GBF1: variants seen among roughly 807,000 people sequenced by gnomAD.
GBF1 encodes Golgi-specific brefeldin A-resistance guanine nucleotide exchange factor 1.
GBF1 carries 114 observed loss-of-function variants against 210.5 expected under a neutral mutation model. The ratio of observed to expected loss-of-function variants is 0.54; its 90% confidence interval spans 0.47 to 0.63. GBF1 has a LOEUF of 0.63. Among genes scored for constraint, GBF1 ranks in the 30% least tolerant of loss-of-function variants. GBF1 has a pLI of 0.00. For synonymous variants in GBF1, 850 were observed against 889.2 expected (o/e 0.96, Z 0.78); for missense variants, 1,851 against 2,357.7 (o/e 0.79, Z 4.45).
chr10:102,358,882 C>G, intron 10 of GBF1, 153 bp downstream of exon 10: 2 of 622,954 alleles, frequency 3.2e-6, no homozygotes, highest in Non-Finnish European at 5.7e-6. Flanking sequence ...ATTGGTTGTA[C>G]TGCCTTGAAA....
intron 3 of GBF1, among the ~76,000 whole-genome samples, chr10:102,275,004 G>C (rs112374392): frequency 2.1e-5 from 3 of 143,578 alleles, no homozygotes; most frequent in Non-Finnish European, 4.5e-5. Flanking sequence ...GATCCACCGC[G>C]CCAGGACTTT....
At chr10:102,369,615 A>G (rs1440695135) in intron 24 of GBF1, 96 bp from the exon 25 acceptor site, 1 of 1,153,600 alleles carries the variant, frequency 8.7e-7, no homozygotes, top group East Asian at 2.5e-5. Context: ...TAGGGGCAGA[A>G]GACTAGAGGA....
upstream of GBF1, among the ~76,000 whole-genome samples, chr10:102,244,995 A>G (rs2070688523): frequency 6.6e-6 from 1 of 152,176 alleles, no homozygotes; most frequent in South Asian, 2.1e-4. Flanking sequence ...GGGAAGGTGG[A>G]CAAGAGGGCG....
chr10:102,339,671 A>T (rs961211850), intron 3 of GBF1, among the ~76,000 whole-genome samples: 1 of 152,186 alleles, frequency 6.6e-6, no homozygotes, highest in Non-Finnish European at 1.5e-5. Context: ...GTCTCAAAAA[A>T]AAAAAGACTT....
chr10:102,370,941 A>G, intron 29 of GBF1, 81 bp downstream of exon 29: 4 of 1,315,152 alleles, frequency 3.0e-6, no homozygotes, highest in African/African-American at 1.4e-5. Context: ...ATGGCCTGAG[A>G]CAGAGAGTAC....
intron 1 of GBF1, among the ~76,000 whole-genome samples, chr10:102,258,303 C>A (rs894852616): frequency 6.6e-6 from 1 of 151,066 alleles, no homozygotes; most frequent in Non-Finnish European, 1.5e-5. Context: ...TACAGGCATG[C>A]GCCACCTCGC....
At position 102,363,234 on chromosome 10, in the gene GBF1, G is replaced by A. The variant is rs745734738; in HGVS notation, c.1877-22G>A. 6 of 1,601,704 alleles carry A rather than the reference G, an allele frequency of 3.7e-6. No homozygotes were observed. Among genetic ancestry groups the A allele is most frequent in the East Asian group, 4.5e-5 (2 of 44,784 alleles). On this transcript the variant is annotated intron_variant, in intron 15 of 39. Transcript: ENST00000369983. This position sits in a 1 kb window ranked among gnomAD's most constrained non-coding sequence, Gnocchi z 4.2. Reference sequence around the variant, plus strand: ...GGCTTCATACCCTATAAGTCTTCACGTATCTTCTTCTCTCTTACCAGCTGA... The same window carrying A: ...GGCTTCATACCCTATAAGTCTTCACATATCTTCTTCTCTCTTACCAGCTGA...
intron 3 of GBF1, among the ~76,000 whole-genome samples, chr10:102,321,012 T>G (rs1201671320): frequency 1.3e-5 from 2 of 152,052 alleles, no homozygotes; most frequent in Non-Finnish European, 2.9e-5. Context: ...GCCAAGCTGG[T>G]CTCAAACTCC....
At chr10:102,293,764 G>GTTTT (rs1263151407) in intron 3 of GBF1, among the ~76,000 whole-genome samples, 1,563 of 50,784 alleles carry the variant, frequency 0.031, 526 homozygotes, top group Non-Finnish European at 0.042. Flanking sequence ...GCTGTAGTAT[G>GTTTT]TTTTGTGTTT....
rs533630235 is a variant in GBF1 at position 102,374,076 on chromosome 10, G to A, written c.3661-1283G>A. On this transcript the variant is annotated intron_variant, in intron 29 of 39. Transcript: ENST00000369983. ...TTTAGAATTTGAAGACAGGCTGGGC[G>A]CAGTGGCTCACACCTGTAATCCCAG... 8.1e-4 allele frequency among the ~76,000 whole-genome samples: 124 copies of A among 152,260 alleles called. 1 individual carries two copies. Among genetic ancestry groups the A allele is most frequent in the Non-Finnish European group, 1.6e-3 (106 of 68,030 alleles).
At chr10:102,266,407 T>C (rs1444544742) in intron 3 of GBF1, among the ~76,000 whole-genome samples, 3 of 152,204 alleles carry the variant, frequency 2.0e-5, no homozygotes, top group Non-Finnish European at 4.4e-5. Flanking sequence ...CTATCTGGTA[T>C]GTGCCAGGCA....
the GBF1 span, among the ~76,000 whole-genome samples, chr10:102,235,144 T>C: frequency 6.7e-6 from 1 of 149,952 alleles, no homozygotes; most frequent in Non-Finnish European, 1.5e-5. Context: ...GGGGCTGTTT[T>C]GGAGCTAGCC....
chr10:102,358,025 T>C lies in GBF1; in HGVS notation c.640-14T>C. On this transcript the variant is annotated splice_polypyrimidine_tract_variant and intron_variant, in intron 8 of 39. Coordinates refer to ENST00000369983, the MANE Select transcript of GBF1 (RefSeq NM_001377137.1). ...AGTTTGAATACCATTGCTAATGGGG[T>C]ATGATATTTCCAGCTGAAAATGAGA... 1 of 1,555,322 alleles carries C rather than the reference T, an allele frequency of 6.4e-7. No homozygotes were observed. Among genetic ancestry groups the C allele is most frequent in the Non-Finnish European group, 8.9e-7 (1 of 1,126,402 alleles).
At chr10:102,263,183 CAT>C (rs2073445375) in intron 3 of GBF1, among the ~76,000 whole-genome samples, 2 of 152,344 alleles carry the variant, frequency 1.3e-5, no homozygotes, top group East Asian at 3.9e-4. Context: ...CTCTGCAACC[CAT>C]GACTAATTTC....
At chr10:102,261,617 T>G (rs1187021279) in intron 3 of GBF1, among the ~76,000 whole-genome samples, 4 of 18,956 alleles carry the variant, frequency 2.1e-4, no homozygotes, top group Non-Finnish European at 4.1e-4. Context: ...CTTTCTTTCT[T>G]TTTTTTTTTT....
At chr10:102,231,881 A>C in the GBF1 span, 1 of 1,564,984 alleles carries the variant, frequency 6.4e-7, no homozygotes, top group Non-Finnish European at 8.7e-7. Context: ...GCTGGCTCCC[A>C]CCGGGGCTGC....
At chr10:102,303,136 T>C (rs1279822434) in intron 3 of GBF1, among the ~76,000 whole-genome samples, 1 of 151,912 alleles carries the variant, frequency 6.6e-6, no homozygotes, top group Non-Finnish European at 1.5e-5. Context: ...TACAGGTGCA[T>C]GCCACCACAC....
intron 30 of GBF1, 21 bp downstream of exon 30, chr10:102,375,605 A>G (rs765815127): frequency 8.6e-6 from 13 of 1,504,356 alleles, no homozygotes; most frequent in Non-Finnish European, 1.1e-5. Flanking sequence ...TCCCAGGGAG[A>G]CTCAGGCTGG....
rs893482339 is a variant in GBF1, at chr10:102,274,959, G to A, written c.163+14843G>A. ...ACTCCCAACCTCAGGTGATCTGCCCGCCTTGGCCTCCCAAAGTGCTGGGAT... is the reference window on the plus strand; with the variant it reads ...ACTCCCAACCTCAGGTGATCTGCCCACCTTGGCCTCCCAAAGTGCTGGGAT... On this transcript the variant is annotated intron_variant, in intron 3 of 39. Transcript: ENST00000369983. 9.3e-5 allele frequency among the ~76,000 whole-genome samples: 14 copies of A among 150,916 alleles called. No homozygotes were observed. The South Asian group carries it at 1.9e-3, about 20-fold the overall frequency.
Sources: allele counts gnomAD v4.1 joint callset (sites outside exome capture counted in the v4.1 genomes callset), GRCh38; gene constraint gnomAD v4.1.1; non-coding constraint Gnocchi (gnomAD v3.1); transcripts MANE v1.5; gene names NCBI Gene and HGNC (gene_info 2026-07-23, HGNC 2026-07-21).